The following PTPRD variants were observed in gnomAD, a reference collection of about 807,000 sequenced individuals.
PTPRD encodes receptor-type tyrosine-protein phosphatase delta.
Under a neutral mutation model 214.5 loss-of-function variants are expected in PTPRD, and 34 were observed. That is an observed-to-expected ratio of 0.16 (90% CI 0.12 to 0.21). PTPRD has a LOEUF of 0.21. Among genes scored for constraint, PTPRD ranks in the 10% least tolerant of loss-of-function variants. PTPRD has a pLI of 1.00. For missense variants in PTPRD, 2,545 were observed against 2,398.7 expected (o/e 1.06, Z -1.27); for synonymous variants, 1,128 against 845.7 (o/e 1.33, Z -5.79).
chr9:8,837,625 T>C (rs2097460995), intron 11 of PTPRD, among the ~76,000 whole-genome samples: 1 of 152,132 alleles, frequency 6.6e-6, no homozygotes, highest in Admixed American at 6.5e-5. Context: ...GCCTCTCAAG[T>C]AGCTGGTATT....
At chr9:10,028,647 T>C (rs1474399981) in intron 4 of PTPRD, among the ~76,000 whole-genome samples, 2 of 152,182 alleles carry the variant, frequency 1.3e-5, no homozygotes, top group Admixed American at 6.5e-5. Context: ...ATTTTGTCCA[T>C]GCCCTAGATA....
chr9:9,401,160 A>T (rs2070282829), intron 8 of PTPRD, among the ~76,000 whole-genome samples: 1 of 152,064 alleles, frequency 6.6e-6, no homozygotes, highest in Non-Finnish European at 1.5e-5. Flanking sequence ...ATAAATGCAA[A>T]TAGGTACCCA....
intron 2 of PTPRD, among the ~76,000 whole-genome samples, chr9:10,571,660 C>G (rs116621611): frequency 0.017 from 2,625 of 152,148 alleles, 71 homozygotes; most frequent in African/African-American, 0.06. Context: ...AAACAGTGGT[C>G]CCCAAACCGT....
intron 10 of PTPRD, among the ~76,000 whole-genome samples, chr9:9,097,440 G>A (rs989198687): frequency 3.4e-5 from 5 of 148,900 alleles, no homozygotes; most frequent in Middle Eastern, 3.4e-3. Flanking sequence ...ATGGAGTCTC[G>A]CTCTGTCACC....
At chr9:8,886,258 C>T (rs1032816159) in intron 11 of PTPRD, among the ~76,000 whole-genome samples, 3 of 152,128 alleles carry the variant, frequency 2.0e-5, no homozygotes, top group Non-Finnish European at 1.5e-5. Context: ...GGGATAACTA[C>T]ACATGAAAAG....
At chr9:9,673,262 G>T (rs1199808553) in intron 7 of PTPRD, among the ~76,000 whole-genome samples, 1 of 151,660 alleles carries the variant, frequency 6.6e-6, no homozygotes, top group Non-Finnish European at 1.5e-5. Flanking sequence ...TTCCACCATT[G>T]AACTATCAGC....
chr9:10,368,297 A>T (rs1422394135), intron 2 of PTPRD, among the ~76,000 whole-genome samples: 5 of 152,154 alleles, frequency 3.3e-5, no homozygotes, highest in East Asian at 1.9e-4. Flanking sequence ...TATCTAACTC[A>T]TAGATAGAAG....
chr9:9,039,652 G>T (rs1426273027), intron 10 of PTPRD, among the ~76,000 whole-genome samples: 3 of 152,182 alleles, frequency 2.0e-5, no homozygotes, highest in Non-Finnish European at 2.9e-5. Context: ...TCCCTTTACA[G>T]AAGTAGTTAT....
At chr9:10,229,543 T>C (rs2099601067) in intron 3 of PTPRD, among the ~76,000 whole-genome samples, 1 of 152,000 alleles carries the variant, frequency 6.6e-6, no homozygotes, top group Admixed American at 6.6e-5. Flanking sequence ...TGAGTTCATG[T>C]CCTTTGTAGG....
At position 8,487,185 on chromosome 9, in the gene PTPRD, T is replaced by G. The variant is rs368195836; in HGVS notation, c.2468-836A>C. ...TCATGTAAAAGTCTTAGCATGAGGTTCTGCATTCTATCAATATTAACCATA... is the reference window on the plus strand; with the variant it reads ...TCATGTAAAAGTCTTAGCATGAGGTGCTGCATTCTATCAATATTAACCATA... On this transcript the variant is annotated intron_variant, in intron 27 of 45. Transcript: ENST00000381196. Among the ~76,000 whole-genome samples, 14 of 152,358 alleles carry G rather than the reference T, an allele frequency of 9.2e-5. No individual in the cohort carries two copies. In the South Asian group the frequency reaches 2.7e-3, roughly 29 times the overall value.
At chr9:8,515,051 T>G (rs2097760429) in intron 21 of PTPRD, among the ~76,000 whole-genome samples, 1 of 152,130 alleles carries the variant, frequency 6.6e-6, no homozygotes, top group South Asian at 2.1e-4. Flanking sequence ...AAATTGTGAG[T>G]CGATTAAACC....
intron 11 of PTPRD, among the ~76,000 whole-genome samples, chr9:8,835,413 CG>C (rs1377706569): frequency 2.0e-5 from 3 of 152,228 alleles, no homozygotes; most frequent in Non-Finnish European, 2.9e-5. Flanking sequence ...CCCAGAGAGT[CG>C]GCTTCTTAGA....
chr9:9,643,653 T>C (rs2096048187), intron 7 of PTPRD, among the ~76,000 whole-genome samples: 1 of 152,090 alleles, frequency 6.6e-6, no homozygotes, highest in Admixed American at 6.5e-5. Context: ...ACGAACAAAA[T>C]CTATTTTTCT....
At chr9:9,058,632 G>T (rs1327367505) in intron 10 of PTPRD, among the ~76,000 whole-genome samples, 1 of 150,712 alleles carries the variant, frequency 6.6e-6, no homozygotes, top group African/African-American at 2.4e-5. Flanking sequence ...TGTATTTTTA[G>T]TAGAGACGGG....
chr9:9,378,664 C>T (rs1002712123), intron 9 of PTPRD, among the ~76,000 whole-genome samples: 1 of 152,076 alleles, frequency 6.6e-6, no homozygotes, highest in Non-Finnish European at 1.5e-5. Context: ...GTCCCATATC[C>T]TAGCTAGCAT....
chr9:9,426,130 CA>C (rs983871301), intron 8 of PTPRD, among the ~76,000 whole-genome samples: 88 of 152,296 alleles, frequency 5.8e-4, no homozygotes, highest in African/African-American at 1.6e-3. Flanking sequence ...CCGGGAAGCA[CA>C]AGGGGTTGGG....
intron 6 of PTPRD, among the ~76,000 whole-genome samples, chr9:9,758,557 A>G (rs191569279): frequency 1.0e-3 from 156 of 152,308 alleles, no homozygotes; most frequent in Non-Finnish European, 1.9e-3. Flanking sequence ...ACATAAAGCC[A>G]AAGATAGAAC....
intron 10 of PTPRD, among the ~76,000 whole-genome samples, chr9:9,072,142 G>C (rs556477260): frequency 2.6e-5 from 4 of 152,008 alleles, no homozygotes; most frequent in South Asian, 2.1e-4. Flanking sequence ...TAAATTAACT[G>C]CATAACAACA....
At chr9:9,842,163 G>T (rs2058483357) in intron 5 of PTPRD, among the ~76,000 whole-genome samples, 2 of 151,720 alleles carry the variant, frequency 1.3e-5, no homozygotes, top group South Asian at 2.1e-4. Flanking sequence ...GAGAATTTAT[G>T]CTTAAATTTT....
Sources: allele counts gnomAD v4.1 joint callset (sites outside exome capture counted in the v4.1 genomes callset), GRCh38; gene constraint gnomAD v4.1.1; transcripts MANE v1.5; gene names NCBI Gene and HGNC (gene_info 2026-07-23, HGNC 2026-07-21).